Variants in PCLO observed in about 807,000 individuals in gnomAD.
PCLO encodes piccolo presynaptic cytomatrix protein, also known as protein piccolo.
In PCLO, 82 loss-of-function variants were observed where a neutral mutation model predicts 427.5. That is an observed-to-expected ratio of 0.19 (90% CI 0.16 to 0.23). PCLO has a LOEUF of 0.23. Ranked by LOEUF, PCLO falls within the 10% of genes least tolerant of loss-of-function variation. The pLI is 1.00. For synonymous variants in PCLO, 2,357 were observed against 2,155.4 expected (o/e 1.09, Z -2.59); for missense variants, 6,239 against 6,115.9 (o/e 1.02, Z -0.67).
At chr7:83,010,561 A>G (rs1168875246) in intron 3 of PCLO, among the ~76,000 whole-genome samples, 1 of 150,562 alleles carries the variant, frequency 6.6e-6, no homozygotes, top group Non-Finnish European at 1.5e-5. Flanking sequence ...AAATAATTGT[A>G]TATATGTAAG....
At chr7:83,042,065 G>C (rs1788986081) in intron 3 of PCLO, among the ~76,000 whole-genome samples, 1 of 152,068 alleles carries the variant, frequency 6.6e-6, no homozygotes, top group Admixed American at 6.6e-5. Flanking sequence ...AACTTGAATT[G>C]CTATGGGAGT....
chr7:82,859,695 C>G (rs1792905405), intron 10 of PCLO, among the ~76,000 whole-genome samples: 1 of 152,106 alleles, frequency 6.6e-6, no homozygotes, highest in Non-Finnish European at 1.5e-5. Context: ...AATGCCCAGA[C>G]AGGAAAACAT....
chr7:82,853,163 A>T (rs1342660076), intron 10 of PCLO, among the ~76,000 whole-genome samples: 5 of 152,236 alleles, frequency 3.3e-5, no homozygotes, highest in East Asian at 1.9e-4. Context: ...TAATCTCATA[A>T]TAATATTGAT....
intron 4 of PCLO, among the ~76,000 whole-genome samples, chr7:82,965,431 T>G (rs1795745437): frequency 6.6e-6 from 1 of 151,816 alleles, no homozygotes; most frequent in Non-Finnish European, 1.5e-5. Context: ...GACACATTAC[T>G]TTATGTTAAA....
chr7:82,821,887 T>C, intron 20 of PCLO: 1 of 984,834 alleles, frequency 1.0e-6, no homozygotes, highest in Non-Finnish European at 1.2e-6. Context: ...CACAGATTTT[T>C]CAGAAGACTA....
At chr7:83,145,434 C>T (rs1411100052) in intron 2 of PCLO, among the ~76,000 whole-genome samples, 1 of 151,960 alleles carries the variant, frequency 6.6e-6, no homozygotes, top group African/African-American at 2.4e-5. Context: ...CTTGCCATAA[C>T]CTAGAAATTT....
At chr7:82,843,543 A>C (rs2115794154) in intron 13 of PCLO, among the ~76,000 whole-genome samples, 1 of 152,272 alleles carries the variant, frequency 6.6e-6, no homozygotes, top group Admixed American at 6.5e-5. Context: ...GATTTAAAAA[A>C]AATTTTTTTA....
intron 3 of PCLO, among the ~76,000 whole-genome samples, chr7:83,040,599 C>T (rs143105614): frequency 4.6e-5 from 7 of 152,072 alleles, no homozygotes; most frequent in East Asian, 1.9e-4. Flanking sequence ...AATTATTTTC[C>T]GGCAGACTAG....
intron 22 of PCLO, among the ~76,000 whole-genome samples, chr7:82,794,453 T>TTTTTCTG (rs1791175740): frequency 2.2e-5 from 2 of 89,702 alleles, no homozygotes; most frequent in African/African-American, 1.2e-4. Context: ...TTCATAAATT[T>TTTTTCTG]TTTTTCTTTT....
rs1554333552 is a variant in PCLO, at chr7:82,794,459, C to CTGTTTTTTTT, written c.15007+7058_15007+7059insAAAAAAAACA. On this transcript the variant is annotated intron_variant, in intron 22 of 24. Transcript: ENST00000333891. ...ACATGCTAGTTCATAAATTTTTTTT[C>CTGTTTTTTTT]TTTTTTTTTTTTTTTTTTTTTTTTT... Among the ~76,000 whole-genome samples the CTGTTTTTTTT allele has an allele frequency of 9.2e-4, 52 of 56,368 alleles. 14 individuals are homozygous for CTGTTTTTTTT. The highest frequency in any genetic ancestry group is 1.3e-3 in the Non-Finnish European group (32 of 24,446). The allele number at this position is 56,368 out of a possible 152,430, so 37.0% of individuals were successfully genotyped here. A position where few individuals can be genotyped will look rare whatever the true frequency, so the allele number is the denominator to read the frequency against.
At chr7:82,801,428 T>A (rs889088464) in intron 22 of PCLO, 90 bp downstream of exon 22, 8 of 721,118 alleles carry the variant, frequency 1.1e-5, no homozygotes, top group South Asian at 6.5e-5. Flanking sequence ...TTTGTAACAT[T>A]TAAATTCATG....
chr7:83,010,190 A>G (rs41589), intron 3 of PCLO, among the ~76,000 whole-genome samples: 133,238 of 151,862 alleles, frequency 0.88, 58,600 homozygotes, highest in East Asian at 1. Context: ...ACTCCATTCT[A>G]GAACTACTTC....
intron 3 of PCLO, among the ~76,000 whole-genome samples, chr7:83,089,519 T>C (rs1790324979): frequency 6.6e-6 from 1 of 152,152 alleles, no homozygotes; most frequent in South Asian, 2.1e-4. Flanking sequence ...ATGGCCCCCT[T>C]GGCTCAGGCA....
intron 3 of PCLO, among the ~76,000 whole-genome samples, chr7:83,098,974 T>C (rs1790664633): frequency 6.7e-6 from 1 of 150,022 alleles, no homozygotes; most frequent in Non-Finnish European, 1.5e-5. Context: ...GCAAGAGGAG[T>C]GTGAACAAGG....
At chr7:82,813,428 A>G (rs1366209733) in intron 20 of PCLO, among the ~76,000 whole-genome samples, 1 of 151,700 alleles carries the variant, frequency 6.6e-6, no homozygotes, top group Non-Finnish European at 1.5e-5. Flanking sequence ...AGAACAAATA[A>G]ATTATAATTA....
At chr7:83,092,608 G>C (rs1460308814) in intron 3 of PCLO, among the ~76,000 whole-genome samples, 1 of 152,036 alleles carries the variant, frequency 6.6e-6, no homozygotes, top group Non-Finnish European at 1.5e-5. Flanking sequence ...GAAGAGTAGT[G>C]ATCCCTACCA....
At chr7:82,805,276 A>G (rs1318230431) in intron 21 of PCLO, among the ~76,000 whole-genome samples, 1 of 152,188 alleles carries the variant, frequency 6.6e-6, no homozygotes, top group African/African-American at 2.4e-5. Context: ...TATTTCAAAT[A>G]TGATATATGG....
Position 82,756,009 on chromosome 7 carries a change from A to G in PCLO, c.*2566T>C, listed in dbSNP as rs898611827. On this transcript the variant is annotated 3_prime_UTR_variant, in exon 25 of 25. Transcript: ENST00000333891. ...AGTTCCTTGGAACGGAGGGGCTTCT[A>G]TAATGGAAAGACTCCTACGCTTTCA... 6.6e-6 allele frequency: 1 copy of G among 152,132 alleles called. No homozygotes were observed. The highest frequency in any genetic ancestry group is 1.5e-5 in the Non-Finnish European group (1 of 68,026). 9.4% of individuals were successfully genotyped at this position (152,132 alleles called of 1,614,324 possible). A position where few individuals can be genotyped will look rare whatever the true frequency, so the allele number is the denominator to read the frequency against.
chr7:82,846,732 A>C lies in PCLO; in HGVS notation c.13764-98T>G, dbSNP rs1308957788. 6 of 705,310 alleles carry C rather than the reference A, an allele frequency of 8.5e-6. No homozygotes were observed. The Admixed American group carries it at 1.7e-4, about 20-fold the overall frequency. The allele number at this position is 705,310 out of a possible 1,614,324, so 43.7% of individuals were successfully genotyped here. A position where few individuals can be genotyped will look rare whatever the true frequency, so the allele number is the denominator to read the frequency against. ...CCTTAATTTTTTTCATAGGTAAATGAGAAGTGGTTAATGATATAAAGCAAC... is the reference window on the plus strand; with the variant it reads ...CCTTAATTTTTTTCATAGGTAAATGCGAAGTGGTTAATGATATAAAGCAAC... On this transcript the variant is annotated intron_variant, in intron 11 of 24. Coordinates refer to ENST00000333891, the MANE Select transcript of PCLO (RefSeq NM_033026.6).
Sources: gnomAD v4.1 joint callset for allele counts (sites outside exome capture counted in the v4.1 genomes callset) on GRCh38, gnomAD v4.1.1 for gene constraint, MANE v1.5 for transcripts, NCBI Gene and HGNC (gene_info 2026-07-23, HGNC 2026-07-21) for gene names.